Variants in BRAF observed in about 807,000 individuals in gnomAD.
The protein encoded by BRAF is B-Raf proto-oncogene, serine/threonine kinase.
In BRAF, 16 loss-of-function variants were observed where a neutral mutation model predicts 104.6. The observed-to-expected ratio is 0.15, with a 90% CI of 0.10 to 0.23. The LOEUF (loss-of-function observed/expected upper bound fraction) is 0.23, where lower values mean the gene tolerates loss of function less well. BRAF is among the 10% of genes least tolerant of loss of function. The pLI, the probability that BRAF is intolerant of heterozygous loss-of-function variation, is 1.00. For missense variants in BRAF, 541 were observed against 937.3 expected (o/e 0.58, Z 5.52); for synonymous variants, 310 against 341.6 (o/e 0.91, Z 1.02).
chr7:140,888,170 G>A lies in BRAF; in HGVS notation c.138+36396C>T, dbSNP rs10225410. On this transcript the variant is annotated intron_variant, in intron 1 of 19. Coordinates refer to ENST00000644969, the MANE Select transcript of BRAF (RefSeq NM_001374258.1). The stretch of plus-strand genomic sequence containing the variant: ...TCACAGGCGTAAGCCACTGTGCCTG[G>A]CCTCAGCATTTAATATTTACACAGG... 5.0e-3 allele frequency among the ~76,000 whole-genome samples: 764 copies of A among 152,234 alleles called. 3 individuals are homozygous for A. The highest frequency in any genetic ancestry group is 0.018 in the African/African-American group (728 of 41,540).
At chr7:140,818,860 A>G (rs1454594126) in intron 3 of BRAF, among the ~76,000 whole-genome samples, 1 of 152,198 alleles carries the variant, frequency 6.6e-6, no homozygotes, top group Non-Finnish European at 1.5e-5. Flanking sequence ...TAGCTTATCT[A>G]GTCTACCTTA....
rs1480012449 is a variant in BRAF, at chr7:140,723,598, A to AG, written c.*2895dup. 9.5e-7 allele frequency: 1 copy of AG among 1,049,610 alleles called. No homozygotes were observed. The highest frequency in any genetic ancestry group is 5.5e-5 in the East Asian group (1 of 18,198). The allele number at this position is 1,049,610 out of a possible 1,614,324, so 65.0% of individuals were successfully genotyped here. A position where few individuals can be genotyped will look rare whatever the true frequency, so the allele number is the denominator to read the frequency against. On this transcript the variant is annotated 3_prime_UTR_variant, in exon 20 of 20. Transcript: ENST00000644969. Reference sequence around the variant, plus strand: ...TGGTCAATATTATTTCAGTGGCAAAAGTCTAGGTCCTTGACTCTAACGATG... The same window carrying AG: ...TGGTCAATATTATTTCAGTGGCAAAAGGTCTAGGTCCTTGACTCTAACGATG...
intron 1 of BRAF, among the ~76,000 whole-genome samples, chr7:140,852,416 A>T (rs1477118978): frequency 6.6e-6 from 1 of 151,804 alleles, no homozygotes; most frequent in African/African-American, 2.4e-5. Flanking sequence ...CCAAAAACCA[A>T]ACAAACAAAC....
chr7:140,759,933 A>T (rs1300733899), intron 14 of BRAF, among the ~76,000 whole-genome samples: 1 of 152,192 alleles, frequency 6.6e-6, no homozygotes, highest in East Asian at 1.9e-4. Flanking sequence ...TACAGATGCT[A>T]CTCAGACCAC....
At chr7:140,914,054 C>T (rs1817312432) in intron 1 of BRAF, among the ~76,000 whole-genome samples, 1 of 152,090 alleles carries the variant, frequency 6.6e-6, no homozygotes, top group Non-Finnish European at 1.5e-5. Context: ...GAGCCCTGTG[C>T]TAAGCATATT....
At chr7:140,762,630 G>A (rs1160239477) in intron 14 of BRAF, among the ~76,000 whole-genome samples, 2 of 115,032 alleles carry the variant, frequency 1.7e-5, no homozygotes, top group African/African-American at 6.8e-5. Context: ...TTTTTTAATT[G>A]ATCATTCTTG....
chr7:140,847,933 T>C lies in BRAF; in HGVS notation c.240+2178A>G, dbSNP rs745378037. Among the ~76,000 whole-genome samples, 26 of 152,314 alleles carry C rather than the reference T, an allele frequency of 1.7e-4. 1 individual carries two copies. The highest frequency in any genetic ancestry group is 3.5e-4 in the Non-Finnish European group (24 of 68,022). ...CATACCTTTGCATACTACATACACA[T>C]AATACACACACATTGTATACCACAA... On this transcript the variant is annotated intron_variant, in intron 2 of 19. Coordinates refer to ENST00000644969, the MANE Select transcript of BRAF (RefSeq NM_001374258.1).
At chr7:140,753,552 T>C (rs1797960105) in intron 15 of BRAF, 159 bp from the exon 15 acceptor site, 1 of 567,204 alleles carries the variant, frequency 1.8e-6, no homozygotes, top group East Asian at 3.3e-5. Context: ...AATAAGTATG[T>C]CTAAAACAAT....
intron 1 of BRAF, among the ~76,000 whole-genome samples, chr7:140,885,129 G>A (rs1813412973): frequency 1.3e-5 from 2 of 151,948 alleles, no homozygotes; most frequent in South Asian, 2.1e-4. Flanking sequence ...TCAGCCTTCC[G>A]ATTACAGGGA....
intron 13 of BRAF, among the ~76,000 whole-genome samples, chr7:140,777,482 C>G (rs947253129): frequency 7.9e-5 from 12 of 152,190 alleles, no homozygotes; most frequent in Non-Finnish European, 1.3e-4. Context: ...TCTGGAATAA[C>G]TTTTTTTTCC....
At chr7:140,797,179 A>T (rs905116488) in intron 7 of BRAF, among the ~76,000 whole-genome samples, 9 of 152,332 alleles carry the variant, frequency 5.9e-5, no homozygotes, top group African/African-American at 2.2e-4. Context: ...AATTTTAATT[A>T]TAATACCCTT....
intron 1 of BRAF, among the ~76,000 whole-genome samples, chr7:140,870,097 G>T (rs979056085): frequency 1.3e-5 from 2 of 152,144 alleles, no homozygotes; most frequent in Non-Finnish European, 2.9e-5. Context: ...TAAATAGAGA[G>T]AAAAGAGAAA....
chr7:140,840,039 C>G (rs183647929), intron 2 of BRAF, among the ~76,000 whole-genome samples: 4 of 152,278 alleles, frequency 2.6e-5, no homozygotes, highest in Admixed American at 1.3e-4. Flanking sequence ...GTGTAGGCAC[C>G]TTCTTTAAAA....
intron 16 of BRAF, among the ~76,000 whole-genome samples, chr7:140,752,481 C>T (rs575576407): frequency 1.3e-5 from 2 of 152,296 alleles, no homozygotes; most frequent in South Asian, 2.1e-4. Flanking sequence ...CCCTCTAAAA[C>T]GGTGTGAGGG....
chr7:140,835,707 T>C (rs1469681412), intron 2 of BRAF: 3 of 152,118 alleles, frequency 2.0e-5, no homozygotes, highest in Non-Finnish European at 4.4e-5. Context: ...CAAGCAACCA[T>C]ACAAGATATC....
chr7:140,746,722 C>T (rs1313404521), intron 17 of BRAF, among the ~76,000 whole-genome samples: 2 of 151,572 alleles, frequency 1.3e-5, no homozygotes, highest in Non-Finnish European at 2.9e-5. Flanking sequence ...ATCCCAGCTA[C>T]TCGGGAGGCT....
In BRAF at chr7:140,720,157, A is replaced by G. The variant is rs1795252330; in HGVS notation, c.*6337T>C. 6.6e-6 allele frequency: 7 copies of G among 1,061,650 alleles called. No homozygotes were observed. Among genetic ancestry groups the G allele is most frequent in the Non-Finnish European group, 8.0e-6 (7 of 876,998 alleles). 65.8% of individuals were successfully genotyped at this position (1,061,650 alleles called of 1,614,324 possible). A position where few individuals can be genotyped will look rare whatever the true frequency, so the allele number is the denominator to read the frequency against. ...ATCCCCTGATCAGTTGTATGATCCT[A>G]TCTTAGGAAAGGCAGCAATTGCCAT... On this transcript the variant is annotated 3_prime_UTR_variant, in exon 20 of 20. Coordinates refer to ENST00000644969, the MANE Select transcript of BRAF (RefSeq NM_001374258.1).
At position 140,725,506 on chromosome 7, in the gene BRAF, C is replaced by T; in HGVS notation, c.*988G>A. ...AAAGAAGAAACTCAGAAATTAAAAC[C>T]TGTACCTTATATTTAAATTATCTAA... On this transcript the variant is annotated 3_prime_UTR_variant, in exon 20 of 20. Transcript: ENST00000644969. 1.0e-6 allele frequency: 1 copy of T among 974,766 alleles called. No individual in the cohort carries two copies. 60.4% of individuals were successfully genotyped at this position (974,766 alleles called of 1,614,324 possible). A position where few individuals can be genotyped will look rare whatever the true frequency, so the allele number is the denominator to read the frequency against.
intron 1 of BRAF, among the ~76,000 whole-genome samples, chr7:140,878,936 C>T (rs1812562302): frequency 6.6e-6 from 1 of 151,674 alleles, no homozygotes; most frequent in Admixed American, 6.6e-5. Context: ...TGCAGTGGCG[C>T]AAATCTCAGC....
Sources: gnomAD v4.1 joint callset for allele counts (sites outside exome capture counted in the v4.1 genomes callset) on GRCh38, gnomAD v4.1.1 for gene constraint, MANE v1.5 for transcripts, NCBI Gene and HGNC (gene_info 2026-07-23, HGNC 2026-07-21) for gene names.